The following JAML variants were observed in gnomAD, a reference collection of about 807,000 sequenced individuals.
JAML encodes the protein junctional adhesion molecule-like.
Under a neutral mutation model 39.3 loss-of-function variants are expected in JAML, and 25 were observed. The ratio of observed to expected loss-of-function variants is 0.64; its 90% CI spans 0.46 to 0.89. JAML has a LOEUF of 0.89. Among genes scored for constraint, JAML ranks in the 40% least tolerant of loss-of-function variants. The probability of loss-of-function intolerance (pLI) is 0.00; values close to 1 mark genes in which losing one functional copy is unlikely to be tolerated. For synonymous variants in JAML, 162 were observed against 179.2 expected, an observed-to-expected ratio of 0.90 and a Z score of 0.77; for missense variants, 440 against 486.9, an observed-to-expected ratio of 0.90 and a Z score of 0.91.
chr11:118,216,427 CA>C (rs1485092587), intron 1 of JAML, among the ~76,000 whole-genome samples: 1 of 151,662 alleles, frequency 6.6e-6, no homozygotes, highest in Non-Finnish European at 1.5e-5. Flanking sequence ...CTCCAATCAA[CA>C]AAATCCTCTA....
chr11:118,207,602 A>G (rs1286630498), intron 4 of JAML, among the ~76,000 whole-genome samples: 2 of 152,244 alleles, frequency 1.3e-5, no homozygotes, highest in African/African-American at 4.8e-5. Flanking sequence ...CTATCAACTG[A>G]AGGGTAAACT....
In JAML at chr11:118,194,295, C is replaced by A; in HGVS notation, c.*30G>T. ...CACACACAGGAGAGAGTCTCCACCG[C>A]TGCTGAGATGAAGGGACTCTCCATT... On this transcript the variant is annotated 3_prime_UTR_variant, in exon 10 of 10. Transcript: ENST00000356289. 6.3e-7 allele frequency: 1 copy of A among 1,587,210 alleles called. No individual in the cohort carries two copies. Among genetic ancestry groups the A allele is most frequent in the Non-Finnish European group, 8.7e-7 (1 of 1,155,644 alleles).
intron 1 of JAML, among the ~76,000 whole-genome samples, chr11:118,216,437 T>C (rs1949144534): frequency 6.6e-6 from 1 of 151,976 alleles, no homozygotes; most frequent in Non-Finnish European, 1.5e-5. Context: ...CAAAATCCTC[T>C]ACCTGGAAAA....
At chr11:118,197,730 G>C in intron 8 of JAML, 1 of 396,094 alleles carries the variant, frequency 2.5e-6, no homozygotes, top group Non-Finnish European at 4.6e-6. Flanking sequence ...GAGACTCAGG[G>C]AGGTGGCAGA....
chr11:118,223,277 G>C (rs1949228346), intron 1 of JAML, among the ~76,000 whole-genome samples: 1 of 152,040 alleles, frequency 6.6e-6, no homozygotes, highest in Non-Finnish European at 1.5e-5. Flanking sequence ...CACTGATGTA[G>C]GGCCAGAATC....
chr11:118,197,713 T>C (rs1057374189), intron 8 of JAML: 1 of 349,390 alleles, frequency 2.9e-6, no homozygotes, highest in South Asian at 3.8e-5. Flanking sequence ...ATCCTCATTT[T>C]GCTGATGAGA....
intron 4 of JAML, among the ~76,000 whole-genome samples, chr11:118,208,268 C>T (rs1408069996): frequency 2.0e-5 from 3 of 151,936 alleles, no homozygotes; most frequent in Non-Finnish European, 4.4e-5. Context: ...AATCCTTGGG[C>T]ACAGGCATCT....
chr11:118,205,309 G>A (rs944048115), intron 5 of JAML: 1 of 152,518 alleles, frequency 6.6e-6, no homozygotes, highest in Non-Finnish European at 1.5e-5. Context: ...ATGGTTGAGA[G>A]CTACTGGTCT....
In JAML at chr11:118,203,486, T is replaced by C. The variant is rs753904721; in HGVS notation, c.714A>G (p.Leu238=). Residue 238 remains leucine (L), a synonymous_variant, in exon 6 of 10, where the codon CTA becomes CTG. Transcript: ENST00000356289. ...DGGNYTCSIH[L]GNLVFKKTIV... is the part of the protein sequence containing the mutation. ...TGGTTTTCTTGAACACCAGGTTCCCTAGGTGGATACTGCAGGTGTAGTTTC... is the reference window on the plus strand; with the variant it reads ...TGGTTTTCTTGAACACCAGGTTCCCCAGGTGGATACTGCAGGTGTAGTTTC... 6.2e-7 allele frequency: 1 copy of C among 1,614,166 alleles called. No individual in the cohort carries two copies. The highest frequency in any genetic ancestry group is 8.5e-7 in the Non-Finnish European group (1 of 1,180,018).
intron 2 of JAML, 159 bp from the exon 3 acceptor site, chr11:118,212,720 C>G (rs1053331349): frequency 9.7e-5 from 146 of 1,509,204 alleles, no homozygotes; most frequent in Non-Finnish European, 1.3e-4. Flanking sequence ...GCATCCCTGT[C>G]CTCTAGTTAC....
In JAML at chr11:118,203,270, A is replaced by C. The variant is rs1211076730; in HGVS notation, c.772+158T>G. 5 of 766,812 alleles carry C rather than the reference A, an allele frequency of 6.5e-6. No homozygotes were observed. In the Admixed American group the frequency reaches 9.0e-5, roughly 14 times the overall value. The allele number at this position is 766,812 out of a possible 1,614,324, so 47.5% of individuals were successfully genotyped here. On this transcript the variant is annotated intron_variant, in intron 6 of 9. Coordinates refer to ENST00000356289, the MANE Select transcript of JAML (RefSeq NM_001098526.2). ...GGCACCTGAGGAGCCACCTCTAAGG[A>C]GGCATCATTCTCAGGGTTGTGCAAG... is the stretch of plus-strand genomic sequence containing the variant.
intron 1 of JAML, among the ~76,000 whole-genome samples, chr11:118,219,390 A>G (rs569894733): frequency 2.6e-5 from 4 of 152,358 alleles, no homozygotes; most frequent in South Asian, 2.1e-4. Context: ...GTAAGCAACA[A>G]TGAGGAGGGG....
At chr11:118,213,263 C>G in intron 2 of JAML, 1 of 1,172,270 alleles carries the variant, frequency 8.5e-7, no homozygotes, top group Non-Finnish European at 1.1e-6. Flanking sequence ...ATGGATATTT[C>G]TGTTTTCACA....
At chr11:118,194,462 T>C in intron 9 of JAML, 45 bp from the exon 10 acceptor site, 2 of 1,509,808 alleles carry the variant, frequency 1.3e-6, no homozygotes, top group Non-Finnish European at 1.8e-6. Flanking sequence ...TTGTAAGAAG[T>C]AGTTCCATAA....
chr11:118,206,436 C>T (rs1159724875), intron 4 of JAML, among the ~76,000 whole-genome samples: 2 of 152,178 alleles, frequency 1.3e-5, no homozygotes, highest in Non-Finnish European at 2.9e-5. Context: ...ATCTTAGACA[C>T]CAACATCTGC....
At position 118,211,945 on chromosome 11, in the gene JAML, CA is replaced by C. The variant is rs35808407; in HGVS notation, c.198+461del. 2.0e-3 allele frequency among the ~76,000 whole-genome samples: 305 copies of C among 152,238 alleles called. 2 individuals carry two copies. Among genetic ancestry groups the C allele is most frequent in the African/African-American group, 7.2e-3 (299 of 41,550 alleles). On this transcript the variant is annotated intron_variant, in intron 3 of 9. Coordinates refer to ENST00000356289, the MANE Select transcript of JAML (RefSeq NM_001098526.2). Reference sequence around the variant, plus strand: ...AAAGAATCTGTCCTCCTCCCCACCCCAAAAAAGATCATTGTGGTATAGTTCT... The same window carrying C: ...AAAGAATCTGTCCTCCTCCCCACCCCAAAAAGATCATTGTGGTATAGTTCT...
chr11:118,197,187 T>G, intron 8 of JAML: 1 of 225,634 alleles, frequency 4.4e-6, no homozygotes, highest in Admixed American at 5.5e-5. Context: ...TGTCATCATC[T>G]CCCTCAGAGG....
intron 3 of JAML, among the ~76,000 whole-genome samples, chr11:118,210,970 C>T (rs1484582945): frequency 2.0e-5 from 3 of 152,188 alleles, no homozygotes; most frequent in Admixed American, 2.0e-4. Context: ...AAATATAGCA[C>T]CCACTCTGAA....
chr11:118,199,080 G>C (rs1222774422), intron 7 of JAML, among the ~76,000 whole-genome samples: 1 of 152,138 alleles, frequency 6.6e-6, no homozygotes, highest in Non-Finnish European at 1.5e-5. Context: ...TTATGTAGAG[G>C]GATCTGGAGT....
Sources: gnomAD v4.1 joint callset for allele counts (sites outside exome capture counted in the v4.1 genomes callset) on GRCh38, gnomAD v4.1.1 for gene constraint, MANE v1.5 for transcripts, NCBI Gene and HGNC (gene_info 2026-07-23, HGNC 2026-07-21) for gene names.